Variants in FHOD3 observed in about 807,000 individuals in gnomAD.
FHOD3 encodes the protein FH1/FH2 domain-containing protein 3.
In FHOD3, 90 loss-of-function variants were observed where a neutral mutation model predicts 173.0. The ratio of observed to expected loss-of-function variants is 0.52; its 90% CI spans 0.44 to 0.62. The LOEUF is 0.62. FHOD3 is among the 20% of genes least tolerant of loss of function. The probability of loss-of-function intolerance (pLI) is 0.00; values close to 1 mark genes in which losing one functional copy is unlikely to be tolerated. For synonymous variants in FHOD3, 828 were observed against 823.0 expected (o/e 1.01, Z -0.10); for missense variants, 1,945 against 2,034.7 (o/e 0.96, Z 0.85).
At chr18:36,372,635 C>A in intron 2 of FHOD3, 45 bp from the exon 3 acceptor site, 1 of 1,557,592 alleles carries the variant, frequency 6.4e-7, no homozygotes, top group Non-Finnish European at 8.8e-7. Flanking sequence ...TGAGGTGTCT[C>A]TGCTGACTCC....
rs184648564 is a variant in FHOD3 at position 36,498,180 on chromosome 18, A to G, written c.338-3752A>G. Among the ~76,000 whole-genome samples, 21 of 147,048 alleles carry G rather than the reference A, an allele frequency of 1.4e-4. No individual in the cohort carries two copies. In the East Asian group the frequency reaches 4.0e-3, roughly 28 times the overall value. ...TCAAATAAATGAAAATGAAAACAAT[A>G]TATCAAAATTTACAGGAAGCAGTTG... On this transcript the variant is annotated intron_variant, in intron 3 of 28. Transcript: ENST00000590592.
chr18:36,362,317 G>A (rs1382457053), intron 2 of FHOD3, among the ~76,000 whole-genome samples: 10 of 152,336 alleles, frequency 6.6e-5, no homozygotes, highest in African/African-American at 2.2e-4. Context: ...TGGGAATCTG[G>A]AGCCATGGTG....
chr18:36,487,358 C>CAT (rs2054245182), intron 3 of FHOD3, among the ~76,000 whole-genome samples: 1 of 152,156 alleles, frequency 6.6e-6, no homozygotes, highest in Non-Finnish European at 1.5e-5. Flanking sequence ...ACATGCAAAA[C>CAT]GTAGCCAAGA....
chr18:36,306,014 T>A (rs2092086249), intron 1 of FHOD3, among the ~76,000 whole-genome samples: 1 of 152,198 alleles, frequency 6.6e-6, no homozygotes, highest in Non-Finnish European at 1.5e-5. Flanking sequence ...TGTAGTGTGA[T>A]TAAATGAAAG....
In FHOD3 at chr18:36,633,402, G is replaced by A. The variant is rs113806937; in HGVS notation, c.1196+7653G>A. 8.9e-4 allele frequency among the ~76,000 whole-genome samples: 135 copies of A among 152,336 alleles called. 1 individual carries two copies. The highest frequency in any genetic ancestry group is 3.4e-3 in the Middle Eastern group (1 of 294). On this transcript the variant is annotated intron_variant, in intron 10 of 28. Coordinates refer to ENST00000590592, the MANE Select transcript of FHOD3 (RefSeq NM_001281740.3). ...TTGATGGTCACCTGACATTCCTGGAGTTGGGGGATACTCTCCTTCCCTAGT... is the reference window on the plus strand; with the variant it reads ...TTGATGGTCACCTGACATTCCTGGAATTGGGGGATACTCTCCTTCCCTAGT...
chr18:36,452,139 T>C (rs2051891888), intron 3 of FHOD3, among the ~76,000 whole-genome samples: 1 of 152,150 alleles, frequency 6.6e-6, no homozygotes, highest in South Asian at 2.1e-4. Context: ...ACGAGAATTA[T>C]GAGGGTGCGT....
At chr18:36,431,360 G>C (rs2147250952) in intron 3 of FHOD3, among the ~76,000 whole-genome samples, 1 of 152,334 alleles carries the variant, frequency 6.6e-6, no homozygotes, top group East Asian at 1.9e-4. Context: ...AAGGATGCAG[G>C]AGGAAAGTAT....
At chr18:36,718,777 C>T in intron 19 of FHOD3, 62 bp downstream of exon 19, 1 of 1,544,248 alleles carries the variant, frequency 6.5e-7, no homozygotes, top group Non-Finnish European at 8.7e-7. Context: ...GAGATTCGTT[C>T]TGTATAAAAT....
intron 5 of FHOD3, among the ~76,000 whole-genome samples, chr18:36,558,652 A>T (rs1394020543): frequency 6.6e-6 from 1 of 152,218 alleles, no homozygotes; most frequent in African/African-American, 2.4e-5. Context: ...ATTAGAAGGA[A>T]TCTATGTTTA....
intron 3 of FHOD3, among the ~76,000 whole-genome samples, chr18:36,390,758 C>A (rs774523203): frequency 2.0e-5 from 3 of 152,134 alleles, no homozygotes; most frequent in Non-Finnish European, 4.4e-5. Context: ...CCACACTTAA[C>A]ACATGATGAT....
At chr18:36,719,582 G>A (rs1306438859) in intron 19 of FHOD3, among the ~76,000 whole-genome samples, 1 of 151,898 alleles carries the variant, frequency 6.6e-6, no homozygotes, top group African/African-American at 2.4e-5. Context: ...ATAAGGGGTA[G>A]GAGAAAGCAC....
chr18:36,552,005 T>A (rs1239512573), intron 5 of FHOD3, among the ~76,000 whole-genome samples: 1 of 152,214 alleles, frequency 6.6e-6, no homozygotes, highest in African/African-American at 2.4e-5. Flanking sequence ...CATATGAACT[T>A]TAAAGTAGTT....
At chr18:36,645,266 C>A in intron 10 of FHOD3, among the ~76,000 whole-genome samples, 1 of 152,042 alleles carries the variant, frequency 6.6e-6, no homozygotes, top group East Asian at 1.9e-4. Context: ...ACTAAAAATA[C>A]AAAAATATTC....
At chr18:36,740,542 G>A (rs2041852572) in intron 20 of FHOD3, 114 bp from the exon 21 acceptor site, 1 of 1,096,174 alleles carries the variant, frequency 9.1e-7, no homozygotes, top group African/African-American at 1.6e-5. Context: ...TATAACACCT[G>A]TACATACCTC....
intron 11 of FHOD3, among the ~76,000 whole-genome samples, chr18:36,652,171 C>T (rs534766971): frequency 3.9e-5 from 6 of 152,228 alleles, no homozygotes; most frequent in South Asian, 4.1e-4. Flanking sequence ...TGCTATTTGA[C>T]CAAGACAGAG....
At chr18:36,419,053 A>AG (rs1953355588) in intron 3 of FHOD3, among the ~76,000 whole-genome samples, 1 of 152,146 alleles carries the variant, frequency 6.6e-6, no homozygotes, top group African/African-American at 2.4e-5. Context: ...GGTTCTAAAA[A>AG]GAACTTACAA....
chr18:36,733,949 C>T (rs1447602470), intron 20 of FHOD3, among the ~76,000 whole-genome samples: 1 of 152,138 alleles, frequency 6.6e-6, no homozygotes, highest in African/African-American at 2.4e-5. Context: ...AGAATGCAGG[C>T]TGCGGTTTTG....
chr18:36,590,155 G>A (rs1334457140), intron 6 of FHOD3, among the ~76,000 whole-genome samples: 6 of 152,060 alleles, frequency 3.9e-5, no homozygotes, highest in Admixed American at 2.6e-4. Context: ...AGCAGACGTG[G>A]GCTGTGAATC....
At chr18:36,459,759 A>G (rs1343862916) in intron 3 of FHOD3, among the ~76,000 whole-genome samples, 2 of 152,150 alleles carry the variant, frequency 1.3e-5, no homozygotes, top group Admixed American at 6.5e-5. Flanking sequence ...TATATCCCAC[A>G]CTGTTACCTC....
Sources: gnomAD v4.1 joint callset for allele counts (sites outside exome capture counted in the v4.1 genomes callset) on GRCh38, gnomAD v4.1.1 for gene constraint, MANE v1.5 for transcripts, NCBI Gene and HGNC (gene_info 2026-07-23, HGNC 2026-07-21) for gene names.